The following SAMD4B variants were observed in gnomAD, a reference collection of about 807,000 sequenced individuals.
The protein encoded by SAMD4B is protein Smaug homolog 2.
A neutral mutation model predicts 74.5 loss-of-function variants in SAMD4B; 5 were observed. The ratio of observed to expected loss-of-function variants is 0.07; its 90% CI spans 0.04 to 0.14. The LOEUF is 0.14. SAMD4B is among the 10% of genes least tolerant of loss of function. The probability of loss-of-function intolerance (pLI) is 1.00; values close to 1 mark genes in which losing one functional copy is unlikely to be tolerated. For synonymous variants in SAMD4B, 373 were observed against 374.9 expected, an observed-to-expected ratio of 1.00 and a Z score of 0.06; for missense variants, 608 against 921.8, an observed-to-expected ratio of 0.66 and a Z score of 4.41.
intron 3 of SAMD4B, among the ~76,000 whole-genome samples, chr19:39,362,924 C>T (rs1365823473): frequency 6.6e-6 from 1 of 152,036 alleles, no homozygotes; most frequent in African/African-American, 2.4e-5. Context: ...CTGTCCTCCA[C>T]CCTCCACTTT....
At chr19:39,353,359 A>G (rs933834945) in intron 1 of SAMD4B, among the ~76,000 whole-genome samples, 1 of 152,238 alleles carries the variant, frequency 6.6e-6, no homozygotes, top group Non-Finnish European at 1.5e-5. Flanking sequence ...ACAAAGTTAT[A>G]TAAAGATAGT....
downstream of SAMD4B, among the ~76,000 whole-genome samples, chr19:39,386,971 G>A (rs1211785850): frequency 2.6e-5 from 4 of 152,210 alleles, no homozygotes; most frequent in Non-Finnish European, 4.4e-5. This position sits in a 1 kb window ranked among gnomAD's most constrained non-coding sequence, Gnocchi z 6.1. Flanking sequence ...GGTATTGAGG[G>A]CAGGGGAAAG....
chr19:39,382,845 A>C (rs913326512), intron 12 of SAMD4B, among the ~76,000 whole-genome samples: 7 of 152,186 alleles, frequency 4.6e-5, no homozygotes, highest in Admixed American at 3.9e-4. Context: ...GTCTTCAATC[A>C]GGGAGCCTTG....
At chr19:39,367,996 C>T (rs1171823984) in intron 3 of SAMD4B, among the ~76,000 whole-genome samples, 11 of 151,430 alleles carry the variant, frequency 7.3e-5, no homozygotes, top group Admixed American at 2.0e-4. Context: ...GGGTGGATCA[C>T]GAGGTCAGGA....
In SAMD4B at chr19:39,378,149, C is replaced by CA. The variant is rs2145816885; in HGVS notation, c.1444+326dup. Among the ~76,000 whole-genome samples, 1 of 152,194 alleles carries CA rather than the reference C, an allele frequency of 6.6e-6. No homozygotes were observed. Among genetic ancestry groups the CA allele is most frequent in the South Asian group, 2.1e-4 (1 of 4,816 alleles). ...ATTTCTCTCAGAGGGGACCAAAGTC[C>CA]AGGGGATGGGGATGGTGAAATTTAT... is the stretch of plus-strand genomic sequence containing the variant. On this transcript the variant is annotated intron_variant, in intron 8 of 13. Transcript: ENST00000610417. This position sits in a 1 kb window ranked among gnomAD's most constrained non-coding sequence, Gnocchi z 4.4.
At chr19:39,385,756 TG>T, downstream of SAMD4B, 1 of 607,320 alleles carries the variant, frequency 1.6e-6, no homozygotes. Context: ...GCCTCTGGCC[TG>T]TGTTTCTAAG....
intron 1 of SAMD4B, among the ~76,000 whole-genome samples, chr19:39,344,735 A>T (rs953260123): frequency 1.3e-5 from 2 of 152,056 alleles, no homozygotes; most frequent in Non-Finnish European, 2.9e-5. Context: ...AAGAGCCTCT[A>T]TGTTTCCTTG....
rs2078130369 is a variant in SAMD4B, at chr19:39,383,510, A to C, written c.2068A>C (p.Lys690Gln). ...TEHALGDGTD[K>Q]TSTI ...CTTTCTTACCACAGATGGGACAGAC[A>C]AAACCTCCACCATCTGACGGGACCC... The change falls in exon 14 of 14, where the codon AAA (lysine) becomes CAA (glutamine). Residue 690 changes from lysine (K) to glutamine (Q), a missense_variant. Physicochemically the swap from Lys to Gln is moderately conservative, Grantham distance 53. Transcript: ENST00000610417. This position sits in a 1 kb window ranked among gnomAD's most constrained non-coding sequence, Gnocchi z 4.1. 4 of 1,614,168 alleles carry C rather than the reference A, an allele frequency of 2.5e-6. No homozygotes were observed. Among genetic ancestry groups the C allele is most frequent in the Non-Finnish European group, 1.7e-6 (2 of 1,180,024 alleles).
In SAMD4B at chr19:39,385,387, A is replaced by G. The variant is rs1033802160; in HGVS notation, c.*1860A>G. 5.2e-5 allele frequency: 21 copies of G among 404,944 alleles called. No individual in the cohort carries two copies. The highest frequency in any genetic ancestry group is 8.2e-5 in the African/African-American group (4 of 48,574). The allele number at this position is 404,944 out of a possible 1,614,324, so 25.1% of individuals were successfully genotyped here. A position where few individuals can be genotyped will look rare whatever the true frequency, so the allele number is the denominator to read the frequency against. ...CTGTGCCTGGCACTGGGAGGTGGTGAGGGACACCGTCTCACACACACAGGG... is the reference window on the plus strand; with the variant it reads ...CTGTGCCTGGCACTGGGAGGTGGTGGGGGACACCGTCTCACACACACAGGG... On this transcript the variant is annotated 3_prime_UTR_variant, in exon 14 of 14. Transcript: ENST00000610417.
At chr19:39,345,381 G>C (rs1198657575) in intron 1 of SAMD4B, among the ~76,000 whole-genome samples, 4 of 152,186 alleles carry the variant, frequency 2.6e-5, no homozygotes, top group African/African-American at 7.2e-5. Context: ...CTTTTGAATG[G>C]TTTCTTTTCA....
chr19:39,364,398 G>C (rs2076831073), intron 3 of SAMD4B, among the ~76,000 whole-genome samples: 1 of 152,176 alleles, frequency 6.6e-6, no homozygotes, highest in African/African-American at 2.4e-5. Context: ...CTGAGCCACA[G>C]ACTGAATGTT....
chr19:39,377,688 C>T lies in SAMD4B; in HGVS notation c.1308C>T (p.Thr436=), dbSNP rs201890845. ...PLAHPGTDKG[T]EAKDPPAVEN... The stretch of plus-strand genomic sequence containing the variant: ...CCCACCCCGGCACAGACAAAGGCAC[C>T]GAGGCCAAGGACCCTCCAGCTGTGG... The change falls in exon 8 of 14, where the codon ACC becomes ACT. Residue 436 remains threonine, a synonymous_variant. Transcript: ENST00000610417. The T allele has an allele frequency of 1.8e-5, 29 of 1,614,108 alleles. No individual in the cohort carries two copies. The highest frequency in any genetic ancestry group is 1.6e-4 in the Middle Eastern group (1 of 6,084).
rs2077534200 is a variant in SAMD4B, at chr19:39,375,266, T to A, written c.668-384T>A. Among the ~76,000 whole-genome samples the A allele has an allele frequency of 1.3e-5, 2 of 152,130 alleles. No individual in the cohort carries two copies. Among genetic ancestry groups the A allele is most frequent in the Admixed American group, 1.3e-4 (2 of 15,268 alleles). On this transcript the variant is annotated intron_variant, in intron 4 of 13. Transcript: ENST00000610417. This position sits in a 1 kb window ranked among gnomAD's most constrained non-coding sequence, Gnocchi z 4.1. ...CCACTATGAAAGGAAGTCACAGGGA[T>A]TTGAGCAGGAGTCAGGCTCGGTCAG...
downstream of SAMD4B, chr19:39,388,474 A>AT (rs1436357110): frequency 6.2e-7 from 1 of 1,614,156 alleles, no homozygotes; most frequent in African/African-American, 1.3e-5. Context: ...ATACCTGAAG[A>AT]TGAGGGCACA....
chr19:39,386,403 T>A, downstream of SAMD4B: 1 of 1,614,088 alleles, frequency 6.2e-7, no homozygotes, highest in Non-Finnish European at 8.5e-7. This position sits in a 1 kb window ranked among gnomAD's most constrained non-coding sequence, Gnocchi z 6.1. Context: ...CTGCTCCTCA[T>A]CTGGAAGGGA....
intron 1 of SAMD4B, among the ~76,000 whole-genome samples, chr19:39,342,947 C>T (rs2075404421): frequency 1.3e-5 from 2 of 151,714 alleles, no homozygotes; most frequent in South Asian, 4.2e-4. Context: ...CAAAACCCAC[C>T]CCTCCCGTGG....
chr19:39,347,188 C>A (rs1026847068), intron 1 of SAMD4B, among the ~76,000 whole-genome samples: 4 of 152,218 alleles, frequency 2.6e-5, no homozygotes, highest in African/African-American at 9.6e-5. Context: ...ACTGAGTTAG[C>A]TTCATCCTCA....
downstream of SAMD4B, among the ~76,000 whole-genome samples, chr19:39,387,678 G>A (rs2078282802): frequency 6.6e-6 from 1 of 152,182 alleles, no homozygotes; most frequent in South Asian, 2.1e-4. Context: ...GAAGAGTTTT[G>A]GAGTCACATT....
At position 39,375,979 on chromosome 19, in the gene SAMD4B, TAC is replaced by T; in HGVS notation, c.907+91_907+92del. 2 of 1,520,224 alleles carry T rather than the reference TAC, an allele frequency of 1.3e-6. No individual in the cohort carries two copies. The highest frequency in any genetic ancestry group is 1.8e-6 in the Non-Finnish European group (2 of 1,130,068). 94.2% of individuals were successfully genotyped at this position (1,520,224 alleles called of 1,614,324 possible). A position where few individuals can be genotyped will look rare whatever the true frequency, so the allele number is the denominator to read the frequency against. ...AAGGAGCTTGTAGCTGACACCTGCTTACCCCTCTGAGGAGGGGACATGTCTGA... is the reference window on the plus strand; with the variant it reads ...AAGGAGCTTGTAGCTGACACCTGCTTCCCTCTGAGGAGGGGACATGTCTGA... On this transcript the variant is annotated intron_variant, in intron 5 of 13. Coordinates refer to ENST00000610417, the MANE Select transcript of SAMD4B (RefSeq NM_001384574.2). This position sits in a 1 kb window ranked among gnomAD's most constrained non-coding sequence, Gnocchi z 4.1.
Sources: allele counts gnomAD v4.1 joint callset (sites outside exome capture counted in the v4.1 genomes callset), GRCh38; gene constraint gnomAD v4.1.1; non-coding constraint Gnocchi (gnomAD v3.1); transcripts MANE v1.5; gene names NCBI Gene and HGNC (gene_info 2026-07-23, HGNC 2026-07-21).